Variants in SLC12A8 observed in about 807,000 individuals in gnomAD.
The protein encoded by SLC12A8 is solute carrier family 12 member 8.
In SLC12A8, 69 loss-of-function variants were observed where a neutral mutation model predicts 75.6. The ratio of observed to expected loss-of-function variants is 0.91; its 90% CI spans 0.75 to 1.11. The LOEUF (loss-of-function observed/expected upper bound fraction) is 1.11, where lower values mean the gene tolerates loss of function less well. Among genes scored for constraint, SLC12A8 ranks in the 50% most tolerant of loss-of-function variants. The pLI, the probability that SLC12A8 is intolerant of heterozygous loss-of-function variation, is 0.00. For missense variants in SLC12A8, 877 were observed against 896.7 expected (o/e 0.98, Z 0.28); for synonymous variants, 365 against 372.8 (o/e 0.98, Z 0.24).
chr3:125,101,629 G>A (rs983738803), intron 10 of SLC12A8, among the ~76,000 whole-genome samples: 3 of 152,102 alleles, frequency 2.0e-5, no homozygotes, highest in Admixed American at 2.0e-4. Flanking sequence ...TGTCTACGTA[G>A]TTAAAAAATC....
At chr3:125,208,933 C>T (rs962975113) in intron 2 of SLC12A8, among the ~76,000 whole-genome samples, 1 of 152,148 alleles carries the variant, frequency 6.6e-6, no homozygotes, top group African/African-American at 2.4e-5. Flanking sequence ...CTGTGAGCCA[C>T]TTTCTAATCA....
At chr3:125,123,965 C>T (rs1476939956) in intron 6 of SLC12A8, among the ~76,000 whole-genome samples, 1 of 152,154 alleles carries the variant, frequency 6.6e-6, no homozygotes, top group African/African-American at 2.4e-5. Flanking sequence ...AGGAAAATGA[C>T]TGATTCATCC....
intron 10 of SLC12A8, among the ~76,000 whole-genome samples, chr3:125,097,659 A>G (rs931390185): frequency 1.3e-5 from 2 of 152,006 alleles, no homozygotes; most frequent in African/African-American, 4.8e-5. Flanking sequence ...TCAGCAATGT[A>G]AGGGAAAATT....
At chr3:125,169,452 C>T (rs950664647) in intron 5 of SLC12A8, among the ~76,000 whole-genome samples, 5 of 152,024 alleles carry the variant, frequency 3.3e-5, no homozygotes, top group Non-Finnish European at 5.9e-5. Flanking sequence ...GAAGGACCCA[C>T]TGTTATTGGA....
chr3:125,130,632 G>C (rs1933330254), intron 6 of SLC12A8, among the ~76,000 whole-genome samples: 1 of 147,088 alleles, frequency 6.8e-6, no homozygotes, highest in Admixed American at 6.9e-5. Context: ...AAGAAATACG[G>C]ATTAAAAAGA....
At chr3:125,109,980 A>T (rs1358243761) in intron 9 of SLC12A8, among the ~76,000 whole-genome samples, 1 of 152,082 alleles carries the variant, frequency 6.6e-6, no homozygotes, top group East Asian at 1.9e-4. Flanking sequence ...GGTGGCTGGG[A>T]CATTTAAGAT....
intron 8 of SLC12A8, among the ~76,000 whole-genome samples, chr3:125,116,967 T>C (rs114909015): frequency 0.02 from 3,001 of 152,326 alleles, 41 homozygotes; most frequent in Non-Finnish European, 0.029. Context: ...ATGAGGGCTA[T>C]AGATTCCTGC....
chr3:125,175,287 T>A (rs1385899169), intron 5 of SLC12A8, among the ~76,000 whole-genome samples: 2 of 152,196 alleles, frequency 1.3e-5, no homozygotes, highest in Admixed American at 6.5e-5. Context: ...AGAGTTGAAA[T>A]CACTCTGTTA....
At chr3:125,114,324 A>G (rs933724669) in intron 8 of SLC12A8, among the ~76,000 whole-genome samples, 3 of 152,160 alleles carry the variant, frequency 2.0e-5, no homozygotes, top group African/African-American at 7.2e-5. Flanking sequence ...TCTTCCCTGT[A>G]CAGCTTGTGT....
At chr3:125,091,088 G>A (rs1231224897) in intron 12 of SLC12A8, among the ~76,000 whole-genome samples, 1 of 152,074 alleles carries the variant, frequency 6.6e-6, no homozygotes, top group African/African-American at 2.4e-5. Context: ...TTGCTTTAGG[G>A]TTTATAGTAT....
chr3:125,104,590 G>A (rs189638537), intron 10 of SLC12A8, among the ~76,000 whole-genome samples: 49 of 150,484 alleles, frequency 3.3e-4, no homozygotes, highest in Admixed American at 3.2e-3. Flanking sequence ...TTGTGGCATA[G>A]ACTGATAGTT....
rs755555375 is a variant in SLC12A8 at position 125,083,965 on chromosome 3, A to G, written c.2070T>C (p.Asn690=). ...AGCGATCCCGAGTGGCGAAGTCTGC[A>G]TTCTCCTGGGTGAGCTGAGTCATCT... ...DMEMTQLTQE[N]ADFATRDRYH... The change falls in exon 14 of 14, where the codon AAT becomes AAC. Residue 690 remains asparagine (N), a synonymous_variant. Transcript: ENST00000469902. 1.9e-6 allele frequency: 3 copies of G among 1,613,734 alleles called. No individual in the cohort carries two copies. The highest frequency in any genetic ancestry group is 1.7e-6 in the Non-Finnish European group (2 of 1,179,930).
intron 10 of SLC12A8, among the ~76,000 whole-genome samples, chr3:125,092,919 T>C (rs1279527142): frequency 6.6e-6 from 1 of 152,172 alleles, no homozygotes; most frequent in Non-Finnish European, 1.5e-5. Context: ...AAGTTTGGGC[T>C]TTTAGTGTAA....
chr3:125,092,556 C>G (rs1294366743), intron 10 of SLC12A8, among the ~76,000 whole-genome samples: 1 of 152,138 alleles, frequency 6.6e-6, no homozygotes, highest in Non-Finnish European at 1.5e-5. Context: ...CCAGGTGTGA[C>G]CACCGGGACT....
chr3:125,187,503 C>T (rs1934818266), intron 3 of SLC12A8, 75 bp from the exon 4 acceptor site: 5 of 1,355,836 alleles, frequency 3.7e-6, no homozygotes, highest in Non-Finnish European at 5.2e-6. Context: ...GGGCATTGAC[C>T]ACCTCCCCTC....
intron 12 of SLC12A8, 48 bp downstream of exon 12, chr3:125,091,391 T>C: frequency 8.2e-7 from 1 of 1,219,838 alleles, no homozygotes; most frequent in African/African-American, 1.5e-5. Flanking sequence ...TCCCAATGAA[T>C]GGTAGAGAGA....
intron 8 of SLC12A8, among the ~76,000 whole-genome samples, chr3:125,117,989 C>T (rs1189768211): frequency 1.3e-5 from 2 of 152,242 alleles, no homozygotes; most frequent in Admixed American, 1.3e-4. Flanking sequence ...AGGAGGGCCT[C>T]GGCCCTCACC....
intron 2 of SLC12A8, among the ~76,000 whole-genome samples, chr3:125,210,579 T>C (rs999451398): frequency 4.6e-5 from 7 of 152,218 alleles, no homozygotes; most frequent in African/African-American, 1.7e-4. Flanking sequence ...TTGTTCATTG[T>C]TGATTCTCTC....
chr3:125,126,070 G>C, intron 6 of SLC12A8: 1 of 218,272 alleles, frequency 4.6e-6, no homozygotes, highest in Non-Finnish European at 7.8e-6. Flanking sequence ...ACGATGATCT[G>C]TCTGGTCTGC....
Sources: allele counts gnomAD v4.1 joint callset (sites outside exome capture counted in the v4.1 genomes callset), GRCh38; gene constraint gnomAD v4.1.1; transcripts MANE v1.5; gene names NCBI Gene and HGNC (gene_info 2026-07-23, HGNC 2026-07-21).